The following GNG12 variants were observed in gnomAD, a reference collection of about 807,000 sequenced individuals.
The protein encoded by GNG12 is guanine nucleotide-binding protein G(I)/G(S)/G(O) subunit gamma-12.
For synonymous variants in GNG12, 28 were observed against 29.7 expected (o/e 0.94, Z 0.19); for missense variants, 69 against 83.8 (o/e 0.82, Z 0.69).
intron 2 of GNG12, chr1:67,777,149 C>G (rs1202498522): frequency 6.6e-6 from 1 of 152,186 alleles, no homozygotes; most frequent in Non-Finnish European, 1.5e-5. Context: ...TGAAATAACA[C>G]TCTGTTGTTT....
intron 1 of GNG12, among the ~76,000 whole-genome samples, chr1:67,791,236 AC>A (rs1416610295): frequency 1.3e-5 from 2 of 152,130 alleles, no homozygotes; most frequent in Non-Finnish European, 2.9e-5. Flanking sequence ...ATTTCTGATA[AC>A]CTTATGTTCC....
intron 2 of GNG12, among the ~76,000 whole-genome samples, chr1:67,759,203 C>A (rs1199706633): frequency 6.6e-6 from 1 of 152,164 alleles, no homozygotes; most frequent in Admixed American, 6.5e-5. Context: ...GGGTGAAATC[C>A]AGCACATGGA....
chr1:67,746,425 T>C (rs1646507572), intron 2 of GNG12, among the ~76,000 whole-genome samples: 1 of 152,206 alleles, frequency 6.6e-6, no homozygotes, highest in South Asian at 2.1e-4. Context: ...CCAAATACTT[T>C]TTTTTTTAAA....
At chr1:67,737,087 T>A (rs1373136820) in intron 2 of GNG12, among the ~76,000 whole-genome samples, 1 of 152,214 alleles carries the variant, frequency 6.6e-6, no homozygotes, top group Non-Finnish European at 1.5e-5. Flanking sequence ...CTGCTAAGCT[T>A]CCTTAAAATG....
At chr1:67,828,132 A>G (rs1251158620) in intron 1 of GNG12, among the ~76,000 whole-genome samples, 1 of 152,182 alleles carries the variant, frequency 6.6e-6, no homozygotes, top group Non-Finnish European at 1.5e-5. Flanking sequence ...TCCAGGGATG[A>G]AAGAGGTAGG....
intron 1 of GNG12, among the ~76,000 whole-genome samples, chr1:67,784,010 T>C (rs1403296523): frequency 2.0e-5 from 3 of 151,280 alleles, no homozygotes; most frequent in Non-Finnish European, 4.4e-5. Context: ...TAAAGACACA[T>C]GTGCATGTAT....
intron 2 of GNG12, among the ~76,000 whole-genome samples, chr1:67,745,014 A>C (rs530364047): frequency 1.3e-5 from 2 of 152,356 alleles, no homozygotes; most frequent in African/African-American, 4.8e-5. Flanking sequence ...TATATCTGTA[A>C]GATGCGAATA....
At chr1:67,815,669 T>C (rs1036369597) in intron 1 of GNG12, among the ~76,000 whole-genome samples, 3 of 152,180 alleles carry the variant, frequency 2.0e-5, no homozygotes, top group African/African-American at 7.2e-5. Context: ...TTCATTTTTT[T>C]CTTAATGGAC....
intron 2 of GNG12, among the ~76,000 whole-genome samples, chr1:67,759,296 C>A (rs1044922616): frequency 1.3e-5 from 2 of 152,202 alleles, no homozygotes; most frequent in Non-Finnish European, 1.5e-5. Context: ...CTCTATGGTT[C>A]CTGCGTAGGC....
chr1:67,733,454 C>T (rs78768299), intron 2 of GNG12, among the ~76,000 whole-genome samples: 3,622 of 152,216 alleles, frequency 0.024, 153 homozygotes, highest in African/African-American at 0.083. Context: ...ATATGATGTG[C>T]ATGCATCTTT....
At chr1:67,750,225 T>C (rs1646530568) in intron 2 of GNG12, among the ~76,000 whole-genome samples, 1 of 152,214 alleles carries the variant, frequency 6.6e-6, no homozygotes, top group South Asian at 2.1e-4. Context: ...GCTTCATGCT[T>C]GTGTGAGGCT....
chr1:67,770,127 G>A (rs986293066), intron 2 of GNG12, among the ~76,000 whole-genome samples: 3 of 152,204 alleles, frequency 2.0e-5, no homozygotes, highest in African/African-American at 7.2e-5. Context: ...AAATTCCAAA[G>A]CAAGGGATCT....
chr1:67,803,601 A>G (rs933584521), intron 1 of GNG12, among the ~76,000 whole-genome samples: 5 of 152,230 alleles, frequency 3.3e-5, no homozygotes, highest in African/African-American at 1.2e-4. Context: ...ACAACATATC[A>G]GGCCCTGTGT....
At chr1:67,768,235 C>T (rs1453843145) in intron 2 of GNG12, among the ~76,000 whole-genome samples, 1 of 152,160 alleles carries the variant, frequency 6.6e-6, no homozygotes, top group Non-Finnish European at 1.5e-5. Context: ...TTTATTGATG[C>T]AGAAATTGAG....
At chr1:67,707,784 C>A (rs1473847410) in intron 2 of GNG12, 72 bp from the exon 3 acceptor site, 7 of 747,708 alleles carry the variant, frequency 9.4e-6, no homozygotes, top group African/African-American at 1.8e-5. Context: ...ATAATATGTT[C>A]TACTTAAAGG....
chr1:67,703,548 T>C lies in GNG12; in HGVS notation c.*1903A>G, dbSNP rs1646227403. The C allele has an allele frequency of 6.6e-6, 1 of 152,154 alleles. No homozygotes were observed. Among genetic ancestry groups the C allele is most frequent in the African/African-American group, 2.4e-5 (1 of 41,430 alleles). 9.4% of individuals were successfully genotyped at this position (152,154 alleles called of 1,614,324 possible). On this transcript the variant is annotated 3_prime_UTR_variant, in exon 4 of 4. Transcript: ENST00000370982. ...ATTAAGTGAAGCATTAAATGTAAAG[T>C]TGTCTTTTTAGTGTAAATTTCAAAT...
intron 2 of GNG12, among the ~76,000 whole-genome samples, chr1:67,766,778 G>T (rs1646642979): frequency 6.6e-6 from 1 of 152,040 alleles, no homozygotes; most frequent in South Asian, 2.1e-4. Flanking sequence ...CACAAACGGG[G>T]CCCTTTCTAC....
chr1:67,766,106 G>GCACACACACACACACACACACACACACA (rs59348663), intron 2 of GNG12, among the ~76,000 whole-genome samples: 17 of 139,936 alleles, frequency 1.2e-4, no homozygotes, highest in African/African-American at 4.6e-4. Context: ...AGGCACACAC[G>GCACACACACACACACACACACACACACA]CACACACACA....
chr1:67,720,346 G>A (rs1174162992), intron 2 of GNG12, among the ~76,000 whole-genome samples: 3 of 152,168 alleles, frequency 2.0e-5, no homozygotes, highest in African/African-American at 7.2e-5. Flanking sequence ...CCCCTTCTGT[G>A]CTCTGCTGGA....
Sources: gnomAD v4.1 joint callset for allele counts (sites outside exome capture counted in the v4.1 genomes callset) on GRCh38, gnomAD v4.1.1 for gene constraint, MANE v1.5 for transcripts, NCBI Gene and HGNC (gene_info 2026-07-23, HGNC 2026-07-21) for gene names.